FAM120A: variants seen among roughly 807,000 people sequenced by gnomAD.
FAM120A encodes the protein constitutive coactivator of PPAR-gamma-like protein 1.
FAM120A carries 15 observed loss-of-function variants against 109.7 expected under a neutral mutation model. The ratio of observed to expected loss-of-function variants is 0.14; its 90% CI spans 0.09 to 0.21. The LOEUF is 0.21. Among genes scored for constraint, FAM120A ranks in the 10% least tolerant of loss-of-function variants. The pLI is 1.00. For synonymous variants in FAM120A, 493 were observed against 572.8 expected, an observed-to-expected ratio of 0.86 and a Z score of 1.99; for missense variants, 899 against 1,439.3, an observed-to-expected ratio of 0.62 and a Z score of 6.07.
intron 8 of FAM120A, 148 bp from the exon 9 acceptor site, chr9:93,529,205 T>A: frequency 1.6e-6 from 1 of 640,016 alleles, no homozygotes; most frequent in Non-Finnish European, 2.6e-6. Flanking sequence ...TCCTCTGTCT[T>A]TAGGGTGGCA....
At chr9:93,504,003 G>A (rs1290472501) in intron 5 of FAM120A, among the ~76,000 whole-genome samples, 1 of 152,188 alleles carries the variant, frequency 6.6e-6, no homozygotes, top group Non-Finnish European at 1.5e-5. Flanking sequence ...CTGCAGGAAA[G>A]AGAACAGGAA....
intron 1 of FAM120A, among the ~76,000 whole-genome samples, chr9:93,457,544 A>G (rs181992862): frequency 3.7e-4 from 57 of 152,300 alleles, no homozygotes; most frequent in Non-Finnish European, 7.5e-4. Flanking sequence ...GACAGATGGT[A>G]TACACATGAT....
intron 3 of FAM120A, among the ~76,000 whole-genome samples, chr9:93,495,183 C>T (rs1262143349): frequency 1.3e-5 from 2 of 152,206 alleles, no homozygotes; most frequent in East Asian, 3.9e-4. Context: ...CACAACTGAC[C>T]ACTTAGAACC....
At chr9:93,466,854 C>T (rs1234237202) in intron 1 of FAM120A, among the ~76,000 whole-genome samples, 3 of 152,116 alleles carry the variant, frequency 2.0e-5, no homozygotes, top group Non-Finnish European at 4.4e-5. Flanking sequence ...GAGGACCTGG[C>T]TCATACGGCA....
chr9:93,523,328 T>A, intron 7 of FAM120A: 1 of 1,289,394 alleles, frequency 7.8e-7, no homozygotes, highest in South Asian at 1.2e-5. Context: ...ACAAAGAGAA[T>A]TCCATCGTGC....
intron 8 of FAM120A, among the ~76,000 whole-genome samples, chr9:93,527,614 ATTTTTTTTT>A (rs67894788): frequency 2.4e-4 from 19 of 80,700 alleles, no homozygotes; most frequent in East Asian, 1.8e-3. Flanking sequence ...TTTGTATTTA[ATTTTTTTTT>A]TTTTTTTTTT....
intron 1 of FAM120A, among the ~76,000 whole-genome samples, chr9:93,466,034 G>A (rs545339303): frequency 6.6e-6 from 1 of 152,270 alleles, no homozygotes; most frequent in Admixed American, 6.5e-5. Context: ...ACGTGGCATT[G>A]ACTCGGCTTA....
intron 7 of FAM120A, chr9:93,523,310 T>A: frequency 1.6e-6 from 2 of 1,289,352 alleles, no homozygotes; most frequent in Non-Finnish European, 2.0e-6. Context: ...AAAAAAACTT[T>A]GTGTTTCACA....
chr9:93,496,004 A>G (rs938906718), intron 3 of FAM120A, among the ~76,000 whole-genome samples: 2 of 152,204 alleles, frequency 1.3e-5, no homozygotes, highest in South Asian at 2.1e-4. Flanking sequence ...AGTAGATTCC[A>G]TCTCAAAAAG....
chr9:93,505,171 C>T (rs971204442), intron 5 of FAM120A, among the ~76,000 whole-genome samples: 20 of 148,868 alleles, frequency 1.3e-4, no homozygotes, highest in African/African-American at 4.7e-4. Context: ...CACCATTCTC[C>T]TGCCTCAGCT....
intron 1 of FAM120A, chr9:93,453,427 A>G (rs1430432897): frequency 2.5e-5 from 25 of 985,292 alleles, no homozygotes; most frequent in Non-Finnish European, 3.0e-5. Context: ...CTTGAAAACA[A>G]ATTTTGGGGG....
intron 5 of FAM120A, among the ~76,000 whole-genome samples, chr9:93,514,586 C>G (rs1371922016): frequency 1.3e-5 from 2 of 152,218 alleles, no homozygotes; most frequent in African/African-American, 4.8e-5. Flanking sequence ...CTCAGGGCTC[C>G]TTTCATCCCC....
At chr9:93,536,544 C>A (rs1048645526) in intron 10 of FAM120A, among the ~76,000 whole-genome samples, 9 of 152,236 alleles carry the variant, frequency 5.9e-5, no homozygotes, top group African/African-American at 2.2e-4. Context: ...ATGTTGAAGT[C>A]TTAAGGGTTT....
intron 15 of FAM120A, 64 bp from the exon 16 acceptor site, chr9:93,561,045 T>C: frequency 6.4e-7 from 1 of 1,559,626 alleles, no homozygotes; most frequent in Non-Finnish European, 8.8e-7. Flanking sequence ...CTTGCTTGTA[T>C]CTTTTTGCTA....
chr9:93,523,947 G>A (rs898313753), intron 7 of FAM120A, among the ~76,000 whole-genome samples: 1 of 152,228 alleles, frequency 6.6e-6, no homozygotes. Context: ...TGGTGCTTCT[G>A]TAGGGAGATA....
At chr9:93,533,839 T>C (rs893809335) in intron 10 of FAM120A, among the ~76,000 whole-genome samples, 62 of 152,326 alleles carry the variant, frequency 4.1e-4, no homozygotes, top group Non-Finnish European at 5.9e-5. Context: ...AGTGGCTTCA[T>C]GGTAGAAGGT....
chr9:93,550,543 T>TA, intron 11 of FAM120A, 34 bp from the exon 12 acceptor site: 1 of 1,555,566 alleles, frequency 6.4e-7, no homozygotes. Flanking sequence ...GACCACTCAG[T>TA]AATCACCAAC....
chr9:93,506,536 T>C (rs980847067), intron 5 of FAM120A, among the ~76,000 whole-genome samples: 3 of 152,142 alleles, frequency 2.0e-5, no homozygotes, highest in Non-Finnish European at 4.4e-5. Flanking sequence ...TCCTCTAGTA[T>C]CTTTTTGATC....
chr9:93,519,205 A>C (rs1860738965), intron 7 of FAM120A, among the ~76,000 whole-genome samples: 1 of 152,122 alleles, frequency 6.6e-6, no homozygotes, highest in Admixed American at 6.6e-5. Context: ...CTGGTCTTAA[A>C]ATATATTGAT....
Sources: allele counts gnomAD v4.1 joint callset (sites outside exome capture counted in the v4.1 genomes callset), GRCh38; gene constraint gnomAD v4.1.1; transcripts MANE v1.5; gene names NCBI Gene and HGNC (gene_info 2026-07-23, HGNC 2026-07-21).